The following TNR variants were observed in gnomAD, a reference collection of about 807,000 sequenced individuals.
TNR encodes the protein tenascin-R.
TNR carries 45 observed loss-of-function variants against 150.4 expected under a neutral mutation model. That is an observed-to-expected ratio of 0.30 (90% CI 0.24 to 0.38). The LOEUF (loss-of-function observed/expected upper bound fraction) is 0.38, where lower values mean the gene tolerates loss of function less well. Among genes scored for constraint, TNR ranks in the 10% least tolerant of loss-of-function variants. TNR has a pLI of 1.00. For synonymous variants in TNR, 687 were observed against 678.4 expected (o/e 1.01, Z -0.20); for missense variants, 1,544 against 1,759.1 (o/e 0.88, Z 2.19).
chr1:175,439,568 T>C (rs1339110979), intron 2 of TNR, among the ~76,000 whole-genome samples: 3 of 152,094 alleles, frequency 2.0e-5, no homozygotes, highest in Non-Finnish European at 4.4e-5. Context: ...CAAAAGAAAC[T>C]ACCATCAGAG....
intron 1 of TNR, among the ~76,000 whole-genome samples, chr1:175,661,110 CT>C (rs1665355706): frequency 6.6e-6 from 1 of 152,210 alleles, no homozygotes. Context: ...CCCACTCACA[CT>C]TATTTCCTGA....
intron 1 of TNR, among the ~76,000 whole-genome samples, chr1:175,617,143 G>T (rs1179702384): frequency 1.3e-5 from 2 of 152,148 alleles, no homozygotes; most frequent in Admixed American, 1.3e-4. Flanking sequence ...AGGATTCAAT[G>T]GCATGGTTAG....
intron 2 of TNR, among the ~76,000 whole-genome samples, chr1:175,484,950 T>A (rs1052917336): frequency 6.6e-6 from 1 of 152,132 alleles, no homozygotes; most frequent in Non-Finnish European, 1.5e-5. Flanking sequence ...TAATTATGTT[T>A]CCCTCAATGA....
At chr1:175,342,938 T>C (rs1021608285) in intron 18 of TNR, among the ~76,000 whole-genome samples, 8 of 104,028 alleles carry the variant, frequency 7.7e-5, no homozygotes, top group African/African-American at 3.1e-4. Flanking sequence ...GCAGATTAGA[T>C]TGATCACAGA....
chr1:175,365,178 T>G lies in TNR; in HGVS notation c.2419A>C (p.Asn807His). The G allele has an allele frequency of 6.2e-7, 1 of 1,614,100 alleles. No individual in the cohort carries two copies. The highest frequency in any genetic ancestry group is 8.5e-7 in the Non-Finnish European group (1 of 1,179,994). ...TCCTCCTCATCCCTGGGGCTGTAGT[T>G]AAGAATGAGTCTGTCTGCTGGGGGA... ...PSPPADRLILNYSPRDEEEEM... is the reference protein window; with the variant it reads ...PSPPADRLILHYSPRDEEEEM... The change falls in exon 12 of 23, where the codon AAC becomes CAC. Residue 807 changes from asparagine (N) to histidine (H), a missense_variant. Transcript: ENST00000367674.
chr1:175,566,360 G>A (rs1432264814), intron 1 of TNR, among the ~76,000 whole-genome samples: 1 of 152,246 alleles, frequency 6.6e-6, no homozygotes, highest in African/African-American at 2.4e-5. Flanking sequence ...TATGATGGAC[G>A]AGAGCGGGTG....
chr1:175,522,938 A>G (rs532782154), intron 2 of TNR, among the ~76,000 whole-genome samples: 59 of 152,348 alleles, frequency 3.9e-4, no homozygotes, highest in African/African-American at 1.3e-3. Context: ...CCTGCCTATG[A>G]TCAATTCTCA....
At chr1:175,597,020 G>A (rs1219952868) in intron 1 of TNR, among the ~76,000 whole-genome samples, 1 of 152,036 alleles carries the variant, frequency 6.6e-6, no homozygotes, top group African/African-American at 2.4e-5. Flanking sequence ...ATGGAATCAG[G>A]GCTCCTTCCC....
intron 1 of TNR, among the ~76,000 whole-genome samples, chr1:175,581,879 C>A (rs1375698614): frequency 6.6e-6 from 1 of 152,098 alleles, no homozygotes; most frequent in Non-Finnish European, 1.5e-5. Flanking sequence ...TTCATCCCTA[C>A]CTACATGCCA....
intron 1 of TNR, among the ~76,000 whole-genome samples, chr1:175,596,801 T>G (rs57107679): frequency 0.096 from 14,674 of 152,216 alleles, 776 homozygotes; most frequent in Middle Eastern, 0.15. Flanking sequence ...AAGCTCAGCC[T>G]TTTTGAATGA....
chr1:175,315,746 G>A lies in TNR; in HGVS notation c.*7611C>T, dbSNP rs1175528897. On this transcript the variant is annotated 3_prime_UTR_variant, in exon 23 of 23. Coordinates refer to ENST00000367674, the MANE Select transcript of TNR (RefSeq NM_003285.3). ...TGGGCCTGGGGAGTATTCGAGGTTGGAATCATTAGATGTGTGTGTTTGTGC... is the reference window on the plus strand; with the variant it reads ...TGGGCCTGGGGAGTATTCGAGGTTGAAATCATTAGATGTGTGTGTTTGTGC... 5.3e-5 allele frequency: 8 copies of A among 152,188 alleles called. No homozygotes were observed. The highest frequency in any genetic ancestry group is 1.2e-4 in the Non-Finnish European group (8 of 68,122). 9.4% of individuals were successfully genotyped at this position (152,188 alleles called of 1,614,324 possible). A position where few individuals can be genotyped will look rare whatever the true frequency, so the allele number is the denominator to read the frequency against.
At chr1:175,557,292 C>T (rs61805099) in intron 1 of TNR, among the ~76,000 whole-genome samples, 21,974 of 152,126 alleles carry the variant, frequency 0.14, 1,742 homozygotes, top group Non-Finnish European at 0.18. Context: ...TCCTGACCCA[C>T]GGAAGTGGTA....
intron 1 of TNR, among the ~76,000 whole-genome samples, chr1:175,667,417 C>T (rs1401817840): frequency 6.6e-6 from 1 of 152,200 alleles, no homozygotes; most frequent in Non-Finnish European, 1.5e-5. Context: ...AAGTGGAACC[C>T]ATCCAGCTTG....
chr1:175,391,287 C>A lies in TNR; in HGVS notation c.1507+1G>T. 1 of 1,613,442 alleles carries A rather than the reference C, an allele frequency of 6.2e-7. No homozygotes were observed. The highest frequency in any genetic ancestry group is 8.5e-7 in the Non-Finnish European group (1 of 1,179,866). The stretch of plus-strand genomic sequence containing the variant: ...TAGGGAGAAGGGTTGGAGGCACTCA[C>A]CTGTGGAGACGCTGGCCGAGGTAGG... On this transcript the variant is annotated splice_donor_variant, in intron 7 of 22. Coordinates refer to ENST00000367674, the MANE Select transcript of TNR (RefSeq NM_003285.3). LOFTEE classifies it high-confidence loss of function.
At chr1:175,514,292 G>A (rs1280988172) in intron 2 of TNR, among the ~76,000 whole-genome samples, 1 of 152,164 alleles carries the variant, frequency 6.6e-6, no homozygotes, top group Non-Finnish European at 1.5e-5. Flanking sequence ...GGAGGAAGAG[G>A]ACACCAGCCA....
At chr1:175,727,333 C>A (rs935159433) in intron 1 of TNR, among the ~76,000 whole-genome samples, 1 of 152,092 alleles carries the variant, frequency 6.6e-6, no homozygotes, top group Non-Finnish European at 1.5e-5. Context: ...AGGCCAAGTA[C>A]CAAGTTAACA....
intron 1 of TNR, among the ~76,000 whole-genome samples, chr1:175,721,000 C>A (rs1667283455): frequency 6.6e-6 from 1 of 152,198 alleles, no homozygotes; most frequent in Admixed American, 6.5e-5. Flanking sequence ...ATGGAGGAAG[C>A]AGAGCTACAG....
intron 1 of TNR, among the ~76,000 whole-genome samples, chr1:175,640,573 G>C (rs1558050068): frequency 6.6e-6 from 1 of 152,036 alleles, no homozygotes; most frequent in Non-Finnish European, 1.5e-5. Context: ...ATATTTAGTG[G>C]TTCTTTACTA....
At chr1:175,630,700 T>G (rs566185788) in intron 1 of TNR, among the ~76,000 whole-genome samples, 33 of 152,350 alleles carry the variant, frequency 2.2e-4, no homozygotes, top group African/African-American at 7.5e-4. Flanking sequence ...TTAGCTTCAC[T>G]GTTAGGCATC....
Sources: allele counts gnomAD v4.1 joint callset (sites outside exome capture counted in the v4.1 genomes callset), GRCh38; gene constraint gnomAD v4.1.1; transcripts MANE v1.5; gene names NCBI Gene and HGNC (gene_info 2026-07-23, HGNC 2026-07-21).